The following MAST4 variants were observed in gnomAD, a reference collection of about 807,000 sequenced individuals.
The protein encoded by MAST4 is microtubule associated serine/threonine kinase family member 4, also known as microtubule-associated serine/threonine-protein kinase 4.
A neutral mutation model predicts 162.7 loss-of-function variants in MAST4; 89 were observed. That is an observed-to-expected ratio of 0.55 (90% confidence interval 0.46 to 0.65). MAST4 has a LOEUF of 0.65. MAST4 is among the 30% of genes least tolerant of loss of function. MAST4 has a pLI of 0.00. For synonymous variants in MAST4, 1,479 were observed against 1,361.1 expected, an observed-to-expected ratio of 1.09 and a Z score of -1.91; for missense variants, 3,153 against 3,374.0, an observed-to-expected ratio of 0.93 and a Z score of 1.62.
chr5:66,963,913 T>A (rs956114792), intron 4 of MAST4: 1 of 752,544 alleles, frequency 1.3e-6, no homozygotes, highest in Non-Finnish European at 2.5e-6. Context: ...CTGGTTGAAT[T>A]GTTTACTTGG....
intron 13 of MAST4, among the ~76,000 whole-genome samples, chr5:67,119,602 G>T (rs1767335190): frequency 1.3e-5 from 2 of 152,160 alleles, no homozygotes; most frequent in Admixed American, 6.5e-5. Context: ...TATGTAAAAC[G>T]GTTGGGACAG....
intron 1 of MAST4, among the ~76,000 whole-genome samples, chr5:66,661,717 A>G (rs1425094789): frequency 6.6e-6 from 1 of 152,186 alleles, no homozygotes; most frequent in African/African-American, 2.4e-5. Context: ...GAGAAAGACC[A>G]AAAAAGAAAA....
At chr5:66,981,871 T>C (rs1274069973) in intron 4 of MAST4, among the ~76,000 whole-genome samples, 3 of 152,212 alleles carry the variant, frequency 2.0e-5, no homozygotes, top group Non-Finnish European at 4.4e-5. Flanking sequence ...AAGTGCTCTC[T>C]AATTTGAGGA....
intron 1 of MAST4, among the ~76,000 whole-genome samples, chr5:66,682,752 T>C (rs932239834): frequency 5.9e-5 from 9 of 152,146 alleles, no homozygotes; most frequent in Non-Finnish European, 1.0e-4. Context: ...CCATTTTTTT[T>C]CCCCTTAAGA....
intron 3 of MAST4, among the ~76,000 whole-genome samples, chr5:66,889,105 A>G (rs1762217591): frequency 6.6e-6 from 1 of 152,222 alleles, no homozygotes; most frequent in Non-Finnish European, 1.5e-5. Flanking sequence ...AACAATAAGC[A>G]ATAAAAGTCG....
rs1323879200 is a variant in MAST4, at chr5:67,114,198, C to G, written c.1570C>G (p.Leu524Val). The change falls in exon 12 of 29, where the codon CTC (leucine) becomes GTC (valine). Residue 524 changes from leucine (L) to valine (V), a missense_variant. By Grantham distance (32) the Leu-to-Val change is conservative (BLOSUM62 1). This residue lies in a region of MAST4 where 360 missense variants were observed against 450.0 expected (regional missense o/e 0.80). Coordinates refer to ENST00000403625, the MANE Select transcript of MAST4 (RefSeq NM_001164664.2). ...IPRYIISQLG[L>V]NKDPLEEMAH... ...CAGGTACATCATTAGCCAACTGGGA[C>G]TCAATAAGGATCCCTTGGAAGGTGA... The G allele has an allele frequency of 6.2e-7, 1 of 1,611,978 alleles. No individual in the cohort carries two copies. Among genetic ancestry groups the G allele is most frequent in the Non-Finnish European group, 8.5e-7 (1 of 1,179,198 alleles).
At chr5:66,851,919 C>CT (rs1475722333) in intron 3 of MAST4, among the ~76,000 whole-genome samples, 1 of 152,140 alleles carries the variant, frequency 6.6e-6, no homozygotes. Context: ...GTTTGATCCC[C>CT]TTATTGTATA....
At chr5:66,687,546 ACATATATACACATG>A (rs1009028163) in intron 1 of MAST4, among the ~76,000 whole-genome samples, 48 of 151,850 alleles carry the variant, frequency 3.2e-4, no homozygotes, top group East Asian at 1.5e-3. Context: ...ATGTATGTAT[ACATATATACACATG>A]CATATATACA....
At chr5:67,086,635 C>A (rs1484283376) in intron 5 of MAST4, among the ~76,000 whole-genome samples, 2 of 152,208 alleles carry the variant, frequency 1.3e-5, no homozygotes, top group African/African-American at 4.8e-5. Context: ...CAAGAGCCAG[C>A]AAATCCCTGG....
At chr5:66,993,085 C>T (rs1750229529) in intron 4 of MAST4, among the ~76,000 whole-genome samples, 1 of 152,104 alleles carries the variant, frequency 6.6e-6, no homozygotes, top group African/African-American at 2.4e-5. Context: ...CCAATAGTGG[C>T]GTTTGGTTCA....
intron 1 of MAST4, among the ~76,000 whole-genome samples, chr5:66,651,885 C>T (rs1361370310): frequency 1.3e-5 from 2 of 152,212 alleles, no homozygotes; most frequent in Non-Finnish European, 1.5e-5. Context: ...AGAACTCCCT[C>T]AGTTCTGTGC....
At chr5:66,859,062 T>G (rs1253884091) in intron 3 of MAST4, among the ~76,000 whole-genome samples, 1 of 152,160 alleles carries the variant, frequency 6.6e-6, no homozygotes, top group Non-Finnish European at 1.5e-5. Flanking sequence ...TAATAGAATC[T>G]CATGATGTTT....
intron 2 of MAST4, among the ~76,000 whole-genome samples, chr5:66,764,858 A>G (rs1754016352): frequency 6.6e-6 from 1 of 152,204 alleles, no homozygotes; most frequent in South Asian, 2.1e-4. Context: ...CTAAGTGTAC[A>G]TTGTTTCTAA....
At chr5:66,995,978 C>A (rs981935301) in intron 4 of MAST4, among the ~76,000 whole-genome samples, 1 of 151,492 alleles carries the variant, frequency 6.6e-6, no homozygotes, top group Admixed American at 6.6e-5. Context: ...GACAGATGTT[C>A]ATTAAAAATA....
intron 1 of MAST4, among the ~76,000 whole-genome samples, chr5:66,619,782 AATTTAG>A (rs1561217456): frequency 6.6e-6 from 1 of 152,112 alleles, no homozygotes; most frequent in Non-Finnish European, 1.5e-5. Flanking sequence ...GAAATAAAAT[AATTTAG>A]ATTTAATTTT....
intron 1 of MAST4, among the ~76,000 whole-genome samples, chr5:66,624,400 G>T (rs1339399060): frequency 6.6e-6 from 1 of 151,870 alleles, no homozygotes; most frequent in Non-Finnish European, 1.5e-5. Context: ...TGATCTGCCC[G>T]CCTCGGCCTC....
chr5:67,134,195 T>A (rs1434166116), intron 17 of MAST4, among the ~76,000 whole-genome samples: 2 of 152,228 alleles, frequency 1.3e-5, no homozygotes, highest in African/African-American at 2.4e-5. Context: ...AAAAATGCAT[T>A]ATTATTTTAA....
chr5:67,061,514 GGT>G (rs1759596833), intron 5 of MAST4, among the ~76,000 whole-genome samples: 1 of 144,022 alleles, frequency 6.9e-6, no homozygotes, highest in Admixed American at 6.9e-5. Flanking sequence ...TAACAGTGAG[GGT>G]TTTTTTTTTA....
Position 67,163,847 on chromosome 5 carries a change from A to C in MAST4, c.4668A>C (p.Gly1556=). ...EKQESHQKSH[G]PGSDLENFAL... is the part of the protein sequence containing the mutation. ...AGGAATCCCACCAGAAATCCCATGGACCCGGGAGTGATTTGGAAAACTTTG... is the reference window on the plus strand; with the variant it reads ...AGGAATCCCACCAGAAATCCCATGGCCCCGGGAGTGATTTGGAAAACTTTG... Residue 1556 remains glycine, a synonymous_variant, in exon 29 of 29, where the codon GGA becomes GGC. Transcript: ENST00000403625. This position sits in a 1 kb window ranked among gnomAD's most constrained non-coding sequence, Gnocchi z 7.0. The C allele has an allele frequency of 6.2e-7, 1 of 1,613,420 alleles. No homozygotes were observed. Among genetic ancestry groups the C allele is most frequent in the South Asian group, 1.1e-5 (1 of 90,998 alleles).
Sources: allele counts gnomAD v4.1 joint callset (sites outside exome capture counted in the v4.1 genomes callset), GRCh38; gene constraint gnomAD v4.1.1; regional missense constraint gnomAD v4.1.1; non-coding constraint Gnocchi (gnomAD v3.1); transcripts MANE v1.5; gene names NCBI Gene and HGNC (gene_info 2026-07-23, HGNC 2026-07-21).